The following FGF12 variants were observed in gnomAD, a reference collection of about 807,000 sequenced individuals.
FGF12 encodes the protein fibroblast growth factor 12.
In FGF12, 14 loss-of-function variants were observed where a neutral mutation model predicts 23.6. The observed-to-expected ratio is 0.59, with a 90% confidence interval of 0.39 to 0.93. The LOEUF is 0.93. Among genes scored for constraint, FGF12 ranks in the 40% least tolerant of loss-of-function variants. The pLI, the probability that FGF12 is intolerant of heterozygous loss-of-function variation, is 0.00. For missense variants in FGF12, 175 were observed against 217.8 expected (o/e 0.80, Z 1.24); for synonymous variants, 62 against 77.3 (o/e 0.80, Z 1.04).
chr3:192,183,766 G>A (rs185135641), intron 4 of FGF12, among the ~76,000 whole-genome samples: 180 of 152,328 alleles, frequency 1.2e-3, no homozygotes, highest in Middle Eastern at 6.8e-3. Context: ...AAGCAAGGCT[G>A]AGCAGGGGAA....
intron 4 of FGF12, among the ~76,000 whole-genome samples, chr3:192,332,140 T>C (rs1717157561): frequency 6.6e-6 from 1 of 152,196 alleles, no homozygotes; most frequent in African/African-American, 2.4e-5. Context: ...CATATGATTT[T>C]ATTTTAAAGT....
chr3:192,326,635 T>C (rs1455349677), intron 4 of FGF12, among the ~76,000 whole-genome samples: 1 of 152,216 alleles, frequency 6.6e-6, no homozygotes, highest in Non-Finnish European at 1.5e-5. Flanking sequence ...CTCTCTTTCA[T>C]TTTTGTTGTT....
chr3:192,284,377 G>C lies in FGF12; in HGVS notation c.228+50984C>G, dbSNP rs182492583. 9.2e-5 allele frequency among the ~76,000 whole-genome samples: 14 copies of C among 152,120 alleles called. No individual in the cohort carries two copies. In the South Asian group the frequency reaches 2.9e-3, roughly 32 times the overall value. ...TTCTTTGAGATATCTGCTAAAATATGCCCCAATTGCTGCTATATTCTACTC... is the reference window on the plus strand; with the variant it reads ...TTCTTTGAGATATCTGCTAAAATATCCCCCAATTGCTGCTATATTCTACTC... On this transcript the variant is annotated intron_variant, in intron 4 of 5. Transcript: ENST00000445105.
chr3:192,604,137 T>A (rs924409836), intron 2 of FGF12, among the ~76,000 whole-genome samples: 4 of 152,178 alleles, frequency 2.6e-5, no homozygotes, highest in Admixed American at 2.0e-4. Context: ...TGGCTCTTTT[T>A]GCATGCACGT....
chr3:192,571,950 T>C (rs1193541112), intron 2 of FGF12, among the ~76,000 whole-genome samples: 1 of 152,070 alleles, frequency 6.6e-6, no homozygotes, highest in Non-Finnish European at 1.5e-5. Flanking sequence ...CTGTTTTTTT[T>C]TTTTTTTTAA....
At chr3:192,516,680 T>G (rs1303069751) in intron 2 of FGF12, 1 of 152,218 alleles carries the variant, frequency 6.6e-6, no homozygotes, top group Non-Finnish European at 1.5e-5. Flanking sequence ...GAAAGGTCAT[T>G]TGGGGTGATT....
chr3:192,273,633 G>A (rs1713590302), intron 4 of FGF12, among the ~76,000 whole-genome samples: 1 of 152,134 alleles, frequency 6.6e-6, no homozygotes, highest in Non-Finnish European at 1.5e-5. Flanking sequence ...TCTTCCCTGG[G>A]GCTTTGTGCA....
intron 2 of FGF12, among the ~76,000 whole-genome samples, chr3:192,374,270 T>C (rs1719372820): frequency 2.0e-5 from 3 of 152,208 alleles, no homozygotes; most frequent in South Asian, 2.1e-4. Flanking sequence ...GATGAAAAAA[T>C]TGAAACTCTT....
At chr3:192,644,528 A>T (rs866670873) in intron 2 of FGF12, among the ~76,000 whole-genome samples, 7 of 152,332 alleles carry the variant, frequency 4.6e-5, no homozygotes, top group African/African-American at 1.4e-4. Context: ...AACAAATGTT[A>T]CCAAATGTCA....
chr3:192,404,519 AC>A (rs1298063682), intron 2 of FGF12, among the ~76,000 whole-genome samples: 2 of 152,230 alleles, frequency 1.3e-5, no homozygotes, highest in African/African-American at 4.8e-5. Flanking sequence ...ATACGGATGT[AC>A]TAATAGTCTA....
chr3:192,285,077 A>G lies in FGF12; in HGVS notation c.228+50284T>C, dbSNP rs79072450. On this transcript the variant is annotated intron_variant, in intron 4 of 5. Transcript: ENST00000445105. ...AAGCTATTGTAGTATACTAAGTACTATTTGGGATTTACCATGACCTGACAA... is the reference window on the plus strand; with the variant it reads ...AAGCTATTGTAGTATACTAAGTACTGTTTGGGATTTACCATGACCTGACAA... 4.3e-3 allele frequency among the ~76,000 whole-genome samples: 660 copies of G among 152,182 alleles called. 4 individuals carry two copies. Among genetic ancestry groups the G allele is most frequent in the Non-Finnish European group, 5.6e-3 (381 of 67,964 alleles).
At chr3:192,515,527 T>C (rs1021071633) in intron 2 of FGF12, 21 of 152,386 alleles carry the variant, frequency 1.4e-4, no homozygotes, top group African/African-American at 5.1e-4. Context: ...CTTACCACCC[T>C]GGGCGTCTCC....
At chr3:192,660,571 A>G (rs187897237) in intron 2 of FGF12, among the ~76,000 whole-genome samples, 1 of 152,168 alleles carries the variant, frequency 6.6e-6, no homozygotes, top group Admixed American at 6.5e-5. Context: ...AGTGGGCACT[A>G]GTGAAGATAG....
intron 4 of FGF12, among the ~76,000 whole-genome samples, chr3:192,300,300 C>A (rs1715268377): frequency 1.3e-5 from 2 of 152,168 alleles, no homozygotes; most frequent in Non-Finnish European, 2.9e-5. Flanking sequence ...GTGCAACTGA[C>A]TTTAAAACCA....
At chr3:192,575,593 C>T in intron 2 of FGF12, among the ~76,000 whole-genome samples, 1 of 152,114 alleles carries the variant, frequency 6.6e-6, no homozygotes, top group East Asian at 1.9e-4. Flanking sequence ...ATATTGAAGT[C>T]CTTTCTTTGT....
At chr3:192,173,233 C>CA (rs1275289425) in intron 4 of FGF12, among the ~76,000 whole-genome samples, 6 of 150,548 alleles carry the variant, frequency 4.0e-5, no homozygotes, top group Non-Finnish European at 7.4e-5. Context: ...CTGAATGTAC[C>CA]AAAAACCACT....
At chr3:192,230,973 A>G (rs1374865462) in intron 4 of FGF12, among the ~76,000 whole-genome samples, 1 of 152,204 alleles carries the variant, frequency 6.6e-6, no homozygotes, top group Admixed American at 6.5e-5. Context: ...CCTACTTAAG[A>G]AAATCATTTA....
At chr3:192,392,414 A>AAAATAAAAAATAAAT (rs1553807204) in intron 2 of FGF12, among the ~76,000 whole-genome samples, 1 of 143,644 alleles carries the variant, frequency 7.0e-6, no homozygotes, top group African/African-American at 2.6e-5. Context: ...CTAAAAATAA[A>AAAATAAAAAATAAAT]AAATAAATAA....
Position 192,374,850 on chromosome 3 carries a change from A to T in FGF12, c.14-14312T>A, listed in dbSNP as rs1476283260. On this transcript the variant is annotated intron_variant, in intron 2 of 5. Transcript: ENST00000445105. Reference sequence around the variant, plus strand: ...TTATCATTCTCACTGCCTCTCAACCAGGTACTCATCACCCATATTTAACAA... The same window carrying T: ...TTATCATTCTCACTGCCTCTCAACCTGGTACTCATCACCCATATTTAACAA... 2.0e-5 allele frequency among the ~76,000 whole-genome samples: 3 copies of T among 152,204 alleles called. No individual in the cohort carries two copies. The East Asian group carries it at 5.8e-4, about 29-fold the overall frequency.
Sources: allele counts gnomAD v4.1 joint callset (sites outside exome capture counted in the v4.1 genomes callset), GRCh38; gene constraint gnomAD v4.1.1; transcripts MANE v1.5; gene names NCBI Gene and HGNC (gene_info 2026-07-23, HGNC 2026-07-21).